The following SPAG16 variants were observed in gnomAD, a reference collection of about 807,000 sequenced individuals.
SPAG16 encodes sperm-associated antigen 16 protein.
A neutral mutation model predicts 80.4 loss-of-function variants in SPAG16; 86 were observed. That is an observed-to-expected ratio of 1.07 (90% confidence interval 0.90 to 1.28). The LOEUF (loss-of-function observed/expected upper bound fraction) is 1.28. Among genes scored for constraint, SPAG16 ranks in the 50% most tolerant of loss-of-function variants. The probability of loss-of-function intolerance (pLI) is 0.00; values close to 1 mark genes in which losing one functional copy is unlikely to be tolerated. For synonymous variants in SPAG16, 294 were observed against 265.9 expected (o/e 1.11, Z -1.03); for missense variants, 870 against 765.3 (o/e 1.14, Z -1.61).
chr2:214,140,020 G>A (rs982510758), intron 14 of SPAG16, among the ~76,000 whole-genome samples: 1 of 152,148 alleles, frequency 6.6e-6, no homozygotes, highest in African/African-American at 2.4e-5. Flanking sequence ...TATCTCCCAT[G>A]TACTGGTTTA....
At chr2:213,496,193 G>C (rs2074480056) in intron 10 of SPAG16, among the ~76,000 whole-genome samples, 1 of 152,202 alleles carries the variant, frequency 6.6e-6, no homozygotes, top group African/African-American at 2.4e-5. Context: ...TAAGTTGACA[G>C]TGATATAGAG....
intron 15 of SPAG16, among the ~76,000 whole-genome samples, chr2:214,356,630 C>A (rs1318047009): frequency 6.6e-6 from 1 of 152,038 alleles, no homozygotes; most frequent in East Asian, 1.9e-4. Flanking sequence ...CTTCTTCTAG[C>A]AGTTACTCTA....
At chr2:214,160,624 A>C (rs1376080129) in intron 15 of SPAG16, among the ~76,000 whole-genome samples, 1 of 151,968 alleles carries the variant, frequency 6.6e-6, no homozygotes, top group Non-Finnish European at 1.5e-5. Context: ...AAATGTCTTT[A>C]ATATGTTCTC....
intron 10 of SPAG16, among the ~76,000 whole-genome samples, chr2:213,767,310 T>A: frequency 6.6e-6 from 1 of 152,136 alleles, no homozygotes; most frequent in Admixed American, 6.6e-5. Context: ...TAGGGTATCA[T>A]GTAATAAATG....
intron 10 of SPAG16, among the ~76,000 whole-genome samples, chr2:213,642,820 CAAAAAAAAAAAAAAAAAAAAAAAAAAAA>C (rs766759239): frequency 8.8e-4 from 1 of 1,138 alleles, no homozygotes; most frequent in Non-Finnish European, 1.3e-3. Flanking sequence ...GACTCTGTCT[CAAAAAAAAAAAAAAAAAAAAAAAAAAAA>C]AGAGAGACTG....
intron 10 of SPAG16, among the ~76,000 whole-genome samples, chr2:213,859,216 A>AAAAAAAAAT (rs1559528013): frequency 3.3e-5 from 3 of 91,976 alleles, no homozygotes; most frequent in East Asian, 2.8e-4. Context: ...AAAAAAAAAA[A>AAAAAAAAAT]CTCAATGTCC....
At chr2:213,403,440 G>A (rs529267512) in intron 9 of SPAG16, among the ~76,000 whole-genome samples, 1 of 152,236 alleles carries the variant, frequency 6.6e-6, no homozygotes, top group South Asian at 2.1e-4. Flanking sequence ...CATATAAACA[G>A]AACCAAAGAC....
chr2:213,350,866 G>A (rs752333861), intron 7 of SPAG16, among the ~76,000 whole-genome samples: 8 of 152,036 alleles, frequency 5.3e-5, no homozygotes, highest in Non-Finnish European at 1.2e-4. Flanking sequence ...GCTCATGCCT[G>A]TAATCCCAGC....
intron 15 of SPAG16, among the ~76,000 whole-genome samples, chr2:214,230,020 CT>C (rs534077005): frequency 4.7e-4 from 71 of 151,810 alleles, no homozygotes; most frequent in African/African-American, 1.6e-3. Flanking sequence ...AGGCAAACAC[CT>C]AATATATTAT....
chr2:213,356,554 T>C (rs541772820), intron 7 of SPAG16, among the ~76,000 whole-genome samples: 2 of 152,352 alleles, frequency 1.3e-5, no homozygotes, highest in South Asian at 4.1e-4. Context: ...TATAGTATTC[T>C]CTGATGGTAG....
At chr2:214,115,838 A>G (rs1002845114) in intron 14 of SPAG16, among the ~76,000 whole-genome samples, 3 of 147,872 alleles carry the variant, frequency 2.0e-5, no homozygotes, top group African/African-American at 7.5e-5. Context: ...AGATTGCACA[A>G]CTGCACTCCA....
chr2:214,138,543 C>CAT (rs1302757626), intron 14 of SPAG16, among the ~76,000 whole-genome samples: 2 of 152,088 alleles, frequency 1.3e-5, no homozygotes, highest in Non-Finnish European at 2.9e-5. Context: ...ATTTGAGGAC[C>CAT]ATACATCCTT....
intron 10 of SPAG16, among the ~76,000 whole-genome samples, chr2:213,611,932 A>C (rs2061450468): frequency 2.0e-5 from 3 of 152,218 alleles, no homozygotes; most frequent in Admixed American, 2.0e-4. Flanking sequence ...AATGTTCTCC[A>C]CAATCAATAT....
chr2:214,335,166 T>C (rs1352023613), intron 15 of SPAG16, among the ~76,000 whole-genome samples: 1 of 152,154 alleles, frequency 6.6e-6, no homozygotes, highest in Non-Finnish European at 1.5e-5. Context: ...GACCAGGTCC[T>C]GTACCCTCAT....
chr2:214,275,391 G>A (rs1692387380), intron 15 of SPAG16, among the ~76,000 whole-genome samples: 1 of 152,000 alleles, frequency 6.6e-6, no homozygotes. Context: ...GTGAAGTTAG[G>A]GTGCCAATTT....
chr2:213,527,826 G>A (rs1055839241), intron 10 of SPAG16, among the ~76,000 whole-genome samples: 2 of 152,084 alleles, frequency 1.3e-5, no homozygotes, highest in African/African-American at 4.8e-5. Flanking sequence ...AGGGTGCCAA[G>A]TGCACACCCA....
chr2:213,481,954 T>C (rs16850385), intron 9 of SPAG16, among the ~76,000 whole-genome samples: 3,046 of 152,294 alleles, frequency 0.02, 59 homozygotes, highest in Admixed American at 0.045. Flanking sequence ...CATACTATAA[T>C]TGGGAATTAC....
chr2:214,184,236 G>T (rs1043030981), intron 15 of SPAG16, among the ~76,000 whole-genome samples: 1 of 151,624 alleles, frequency 6.6e-6, no homozygotes, highest in Non-Finnish European at 1.5e-5. Context: ...ATAATTCTTG[G>T]TATACCATTT....
intron 14 of SPAG16, among the ~76,000 whole-genome samples, chr2:214,109,900 C>G (rs1370018494): frequency 6.6e-6 from 1 of 152,040 alleles, no homozygotes; most frequent in Non-Finnish European, 1.5e-5. Context: ...ACATGCCCTA[C>G]AAAAATTAAA....
Sources: allele counts gnomAD v4.1 joint callset (sites outside exome capture counted in the v4.1 genomes callset), GRCh38; gene constraint gnomAD v4.1.1; transcripts MANE v1.5; gene names NCBI Gene and HGNC (gene_info 2026-07-23, HGNC 2026-07-21).